The following TIGIT variants were observed in gnomAD, a reference collection of about 807,000 sequenced individuals.
TIGIT encodes T-cell immunoreceptor with Ig and ITIM domains.
In TIGIT, 11 loss-of-function variants were observed where a neutral mutation model predicts 19.6. The ratio of observed to expected loss-of-function variants is 0.56; its 90% CI spans 0.35 to 0.93. TIGIT has a LOEUF of 0.93. Among genes scored for constraint, TIGIT ranks in the 40% least tolerant of loss-of-function variants. The probability of loss-of-function intolerance (pLI) is 0.01; values close to 1 mark genes in which losing one functional copy is unlikely to be tolerated. For missense variants in TIGIT, 295 were observed against 303.9 expected (o/e 0.97, Z 0.22); for synonymous variants, 130 against 125.5 (o/e 1.04, Z -0.24).
intron 3 of TIGIT, among the ~76,000 whole-genome samples, chr3:114,307,146 C>A (rs1398720634): frequency 9.9e-6 from 1 of 100,950 alleles, no homozygotes; most frequent in Non-Finnish European, 2.1e-5. Context: ...TGCCATAAAC[C>A]AGGGCAGTGA....
rs1560033633 is a variant in TIGIT, at chr3:114,303,586, T to TACATATATATGTATATATATATAC, written c.498+3906_498+3907insCACATATATATGTATATATATATA. The stretch of plus-strand genomic sequence containing the variant: ...ATACATATATATGTATATATATATA[T>TACATATATATGTATATATATATAC]ACATATATATGTATATATATATATA... On this transcript the variant is annotated intron_variant, in intron 3 of 3. Transcript: ENST00000383671. Among the ~76,000 whole-genome samples the TACATATATATGTATATATATATAC allele has an allele frequency of 1.0e-3, 24 of 24,062 alleles. 1 individual carries two copies. Among genetic ancestry groups the TACATATATATGTATATATATATAC allele is most frequent in the African/African-American group, 3.3e-3 (22 of 6,676 alleles). The allele number at this position is 24,062 out of a possible 152,430, so 15.8% of individuals were successfully genotyped here.
chr3:114,307,160 T>C (rs370320924), intron 3 of TIGIT, among the ~76,000 whole-genome samples: 2 of 149,898 alleles, frequency 1.3e-5, no homozygotes, highest in Admixed American at 6.7e-5. Context: ...GCAGTGAATA[T>C]AGGGGCAGGA....
At chr3:114,295,483 C>A in intron 1 of TIGIT, 62 bp from the exon 2 acceptor site, 2 of 1,416,320 alleles carry the variant, frequency 1.4e-6, no homozygotes, top group Non-Finnish European at 1.9e-6. Context: ...TAGAATTTTT[C>A]TAGGAAGGTT....
At chr3:114,303,011 A>C (rs1271702292) in intron 3 of TIGIT, among the ~76,000 whole-genome samples, 2 of 152,220 alleles carry the variant, frequency 1.3e-5, no homozygotes, top group African/African-American at 4.8e-5. Context: ...GATTATATAC[A>C]AATGAATGAC....
Position 114,308,092 on chromosome 3 carries a change from A to G in TIGIT, c.696A>G (p.Arg232=), listed in dbSNP as rs755400515. 1.2e-6 allele frequency: 2 copies of G among 1,614,218 alleles called. No individual in the cohort carries two copies. The highest frequency in any genetic ancestry group is 1.7e-6 in the Non-Finnish European group (2 of 1,180,046). The part of the protein sequence containing the change: ...LHDYFNVLSY[R]SLGNCSFFTE... ...ACTACTTCAATGTCCTGAGTTACAG[A>G]AGCCTGGGTAACTGCAGCTTCTTCA... The change falls in exon 4 of 4, where the codon AGA becomes AGG. Residue 232 remains arginine, a synonymous_variant. Transcript: ENST00000383671.
intron 3 of TIGIT, among the ~76,000 whole-genome samples, chr3:114,304,107 T>C (rs1264343048): frequency 6.6e-6 from 1 of 152,194 alleles, no homozygotes; most frequent in Non-Finnish European, 1.5e-5. Context: ...TGGGATTTTT[T>C]TTTCAGCTGA....
In TIGIT at chr3:114,299,700, AAAGGT is replaced by A; in HGVS notation, c.498_498+4del. The A allele has an allele frequency of 3.1e-6, 5 of 1,607,030 alleles. No homozygotes were observed. Among genetic ancestry groups the A allele is most frequent in the Non-Finnish European group, 3.4e-6 (4 of 1,175,578 alleles). On this transcript the variant is annotated splice_donor_variant and coding_sequence_variant, in exon 3 of 4. Transcript: ENST00000383671. LOFTEE classifies it high-confidence loss of function. ...TCATCGTGGTGGTCGCGTTGACTAG[AAAGGT>A]AATGGCTCCGGCTGCACACCGCAGT...
chr3:114,306,247 T>G (rs1365085334), intron 3 of TIGIT, among the ~76,000 whole-genome samples: 3 of 152,134 alleles, frequency 2.0e-5, no homozygotes, highest in Non-Finnish European at 4.4e-5. Context: ...GGCCTCCAGG[T>G]GAGTGGATGG....
At chr3:114,305,314 C>G (rs1219314602) in intron 3 of TIGIT, among the ~76,000 whole-genome samples, 9 of 152,176 alleles carry the variant, frequency 5.9e-5, no homozygotes, top group Non-Finnish European at 5.9e-5. Flanking sequence ...TCCCATTCCA[C>G]AATCCTGTTC....
chr3:114,296,006 A>G (rs1237947065), intron 2 of TIGIT, 132 bp downstream of exon 2: 4 of 735,762 alleles, frequency 5.4e-6, no homozygotes, highest in Non-Finnish European at 8.7e-6. Flanking sequence ...TTTAAATCAT[A>G]CTGATGCCGA....
At chr3:114,302,691 G>A (rs1161096592) in intron 3 of TIGIT, among the ~76,000 whole-genome samples, 4 of 152,178 alleles carry the variant, frequency 2.6e-5, no homozygotes, top group Admixed American at 2.6e-4. Flanking sequence ...AGCCTATAGA[G>A]GAGAGATGCC....
intron 2 of TIGIT, among the ~76,000 whole-genome samples, chr3:114,296,426 A>G (rs1236152942): frequency 1.3e-4 from 20 of 152,232 alleles, no homozygotes; most frequent in Admixed American, 1.3e-3. Context: ...GAGAGACAGT[A>G]TAGCACCATG....
At chr3:114,302,531 A>G (rs1398584451) in intron 3 of TIGIT, among the ~76,000 whole-genome samples, 1 of 152,158 alleles carries the variant, frequency 6.6e-6, no homozygotes, top group Non-Finnish European at 1.5e-5. Flanking sequence ...TAATATTCCC[A>G]TGGATCAGGC....
At position 114,294,040 on chromosome 3, in the gene TIGIT, T is replaced by A. The variant is rs1212972225; in HGVS notation, c.-22T>A. ...GGCAGAAGAGGCCACATCTGCTTCC[T>A]GTAGGCCCTCTGGGCAGAAGCATGC... On this transcript the variant is annotated 5_prime_UTR_variant, in exon 1 of 4. Transcript: ENST00000383671. 15 of 1,545,722 alleles carry A rather than the reference T, an allele frequency of 9.7e-6. No individual in the cohort carries two copies. Among genetic ancestry groups the A allele is most frequent in the Non-Finnish European group, 1.1e-5 (13 of 1,141,462 alleles).
intron 3 of TIGIT, among the ~76,000 whole-genome samples, chr3:114,305,173 A>C (rs372385193): frequency 3.3e-5 from 1 of 30,172 alleles, no homozygotes; most frequent in Non-Finnish European, 1.3e-4. Context: ...CAGAGTTCTA[A>C]CACTAACTAT....
Position 114,295,816 on chromosome 3 carries a change from C to T in TIGIT, c.333C>T (p.His111=), listed in dbSNP as rs752561004. The T allele has an allele frequency of 1.9e-6, 3 of 1,614,008 alleles. No individual in the cohort carries two copies. The East Asian group carries it at 6.7e-5, about 36-fold the overall frequency. Residue 111 remains histidine (H), a synonymous_variant, in exon 2 of 4, where the codon CAC becomes CAT. Transcript: ENST00000383671. ...CAGGGGAGTACTTCTGCATCTATCA[C>T]ACCTACCCTGATGGGACGTACACTG... ...NDTGEYFCIY[H]TYPDGTYTGR...
intron 3 of TIGIT, among the ~76,000 whole-genome samples, chr3:114,303,902 C>T (rs1024122491): frequency 5.9e-5 from 9 of 152,092 alleles, no homozygotes; most frequent in Non-Finnish European, 1.3e-4. Context: ...GTTCCCCTTT[C>T]ACCACATCCA....
chr3:114,305,544 C>T (rs914185609), intron 3 of TIGIT, among the ~76,000 whole-genome samples: 9 of 152,104 alleles, frequency 5.9e-5, no homozygotes, highest in African/African-American at 2.2e-4. Context: ...TGTACAGAGT[C>T]GGTTGAACCT....
At chr3:114,307,791 G>T in intron 3 of TIGIT, 104 bp from the exon 4 acceptor site, 1 of 1,008,570 alleles carries the variant, frequency 9.9e-7, no homozygotes, top group Non-Finnish European at 1.5e-6. Flanking sequence ...ACATAAGTTT[G>T]CTGGTGTGCA....
Sources: allele counts gnomAD v4.1 joint callset (sites outside exome capture counted in the v4.1 genomes callset), GRCh38; gene constraint gnomAD v4.1.1; transcripts MANE v1.5; gene names NCBI Gene and HGNC (gene_info 2026-07-23, HGNC 2026-07-21).